The following DPCD variants were observed in gnomAD, a reference collection of about 807,000 sequenced individuals.
DPCD encodes deleted in primary ciliary dyskinesia homolog (mouse), also known as protein DPCD.
Under a neutral mutation model 26.4 loss-of-function variants are expected in DPCD, and 20 were observed. The ratio of observed to expected loss-of-function variants is 0.76; its 90% CI spans 0.53 to 1.10. The LOEUF is 1.10. Among genes scored for constraint, DPCD ranks in the 50% least tolerant of loss-of-function variants. The pLI is 0.00. For synonymous variants in DPCD, 97 were observed against 94.2 expected (o/e 1.03, Z -0.17); for missense variants, 202 against 253.9 (o/e 0.80, Z 1.39).
intron 2 of DPCD, among the ~76,000 whole-genome samples, chr10:101,599,798 C>T (rs2063679044): frequency 6.6e-6 from 1 of 152,180 alleles, no homozygotes; most frequent in Non-Finnish European, 1.5e-5. Flanking sequence ...GTCTTTAGCA[C>T]CAGCTGGGCT....
At chr10:101,594,126 A>T (rs935765762) in intron 1 of DPCD, among the ~76,000 whole-genome samples, 1 of 152,226 alleles carries the variant, frequency 6.6e-6, no homozygotes, top group African/African-American at 2.4e-5. Context: ...GGGCACTGGC[A>T]TGGCTAGAGG....
chr10:101,588,330 G>A lies in DPCD; in HGVS notation c.-7G>A. On this transcript the variant is annotated 5_prime_UTR_variant, in exon 1 of 6. Transcript: ENST00000370151. ...AGCGGCTGGGCGTGCTGCTTAGCAG[G>A]GGAAAGATGGCGGTGACGGGCTGGT... 6.2e-7 allele frequency: 1 copy of A among 1,600,264 alleles called. No homozygotes were observed. Among genetic ancestry groups the A allele is most frequent in the South Asian group, 1.1e-5 (1 of 89,112 alleles).
intron 1 of DPCD, among the ~76,000 whole-genome samples, chr10:101,592,356 A>G (rs1444749556): frequency 6.6e-6 from 1 of 152,092 alleles, no homozygotes; most frequent in Admixed American, 6.6e-5. Context: ...TAGCCACTGC[A>G]CTCCAGCCTA....
At chr10:101,609,050 C>G in intron 5 of DPCD, 113 bp downstream of exon 5, 1 of 919,554 alleles carries the variant, frequency 1.1e-6, no homozygotes, top group South Asian at 1.4e-5. Flanking sequence ...CTAGGGTATG[C>G]TTGTGGGAGA....
chr10:101,591,203 T>C (rs2063604555), intron 1 of DPCD, among the ~76,000 whole-genome samples: 1 of 152,250 alleles, frequency 6.6e-6, no homozygotes, highest in South Asian at 2.1e-4. Flanking sequence ...CACTGCATTC[T>C]GTTTATTTAT....
chr10:101,588,398 A>C lies in DPCD; in HGVS notation c.62A>C (p.Asp21Ala), dbSNP rs3730458. 8.1e-5 allele frequency: 129 copies of C among 1,592,680 alleles called. 1 individual carries two copies. The East Asian group carries it at 1.9e-3, about 24-fold the overall frequency. ...RTAQKTALLQ[D>A]GRRKVHYLFP... ...GCCCAGAAGACTGCGCTGCTGCAGG[A>C]CGGTAACTCGAGGGTCCCCACGGGC... The change falls in exon 1 of 6, where the codon GAC becomes GCC. Residue 21 changes from aspartate (D) to alanine (A), a missense_variant and splice_region_variant. By Grantham distance (126) the Asp-to-Ala change is moderately radical. Coordinates refer to ENST00000370151, the MANE Select transcript of DPCD (RefSeq NM_015448.3).
At chr10:101,598,762 C>CT (rs1322662441) in intron 2 of DPCD, among the ~76,000 whole-genome samples, 1 of 151,938 alleles carries the variant, frequency 6.6e-6, no homozygotes, top group Non-Finnish European at 1.5e-5. Flanking sequence ...GTAGCTGGGA[C>CT]TACAGGCGTG....
At chr10:101,590,926 T>A (rs1014411657) in intron 1 of DPCD, among the ~76,000 whole-genome samples, 11 of 152,198 alleles carry the variant, frequency 7.2e-5, no homozygotes, top group African/African-American at 2.7e-4. Flanking sequence ...CGCTTCAAGG[T>A]TCATCCATGT....
At chr10:101,605,994 A>T (rs2063730720) in intron 4 of DPCD, among the ~76,000 whole-genome samples, 1 of 152,234 alleles carries the variant, frequency 6.6e-6, no homozygotes, top group Non-Finnish European at 1.5e-5. Flanking sequence ...AGAACCTGGC[A>T]CAGAATAAGC....
At chr10:101,606,323 G>A (rs969249314) in intron 4 of DPCD, among the ~76,000 whole-genome samples, 1 of 152,134 alleles carries the variant, frequency 6.6e-6, no homozygotes, top group Non-Finnish European at 1.5e-5. Context: ...ACCACGCCTG[G>A]CTAAGTTTTG....
At chr10:101,597,809 G>A (rs188999573) in intron 2 of DPCD, among the ~76,000 whole-genome samples, 9 of 152,326 alleles carry the variant, frequency 5.9e-5, no homozygotes, top group Admixed American at 3.9e-4. Flanking sequence ...AAAGACGGGG[G>A]CAAGAAAGAC....
rs1436373271 is a variant in DPCD, at chr10:101,599,654, G to A, written c.146-1084G>A. On this transcript the variant is annotated intron_variant, in intron 2 of 5. Transcript: ENST00000370151. ...TCAAAAGGTCTAAAGTAAAACCGCC[G>A]GCTGCCTAGTGCTGAGAACCTGACT... Among the ~76,000 whole-genome samples the A allele has an allele frequency of 3.3e-5, 5 of 152,182 alleles. No individual in the cohort carries two copies. In the East Asian group the frequency reaches 5.8e-4, roughly 18 times the overall value.
chr10:101,608,942 G>T lies in DPCD; in HGVS notation c.507+5G>T. The T allele has an allele frequency of 6.2e-7, 1 of 1,607,540 alleles. No individual in the cohort carries two copies. Among genetic ancestry groups the T allele is most frequent in the Non-Finnish European group, 8.5e-7 (1 of 1,174,710 alleles). ...AACTGCACCCTGATCATCTCTGTAA[G>T]ATTCACCCAGACTTCTTGGACACTG... On this transcript the variant is annotated splice_donor_5th_base_variant and intron_variant, in intron 5 of 5. Coordinates refer to ENST00000370151, the MANE Select transcript of DPCD (RefSeq NM_015448.3).
At chr10:101,602,829 G>C (rs892995056) in intron 4 of DPCD, among the ~76,000 whole-genome samples, 7 of 152,226 alleles carry the variant, frequency 4.6e-5, no homozygotes, top group African/African-American at 1.7e-4. Flanking sequence ...TTGTCCCCCA[G>C]AGGTCACTGT....
Position 101,609,424 on chromosome 10 carries a change from A to G in DPCD, c.565A>G (p.Lys189Glu), listed in dbSNP as rs775699932. 7.4e-6 allele frequency: 12 copies of G among 1,614,132 alleles called. No individual in the cohort carries two copies. The highest frequency in any genetic ancestry group is 1.0e-5 in the Non-Finnish European group (12 of 1,180,008). The change falls in exon 6 of 6, where the codon AAG (lysine) becomes GAG (glutamate). Residue 189 changes from lysine to glutamate, a missense_variant. Around this residue, in one of 3 missense-constraint regions of DPCD, gnomAD observed 118 missense variants for 145.1 expected, o/e 0.81. Transcript: ENST00000370151. ...GTCTGAGCTACAGAAGGAACTAAAG[A>G]AGGTGAAGACAGCCCACAGCAACGA... is the stretch of plus-strand genomic sequence containing the variant. ...AESELQKELK[K>E]VKTAHSNDGD...
In DPCD at chr10:101,609,449, A is replaced by G. The variant is rs2063759595; in HGVS notation, c.590A>G (p.Asp197Gly). 5 of 1,613,994 alleles carry G rather than the reference A, an allele frequency of 3.1e-6. No individual in the cohort carries two copies. The South Asian group carries it at 4.4e-5, about 14-fold the overall frequency. Residue 197 changes from aspartate (D) to glycine (G), a missense_variant, in exon 6 of 6, where the codon GAT (aspartate) becomes GGT (glycine). By Grantham distance (94) the Asp-to-Gly change is moderately conservative. Around this residue, in one of 3 missense-constraint regions of DPCD, gnomAD observed 118 missense variants for 145.1 expected, o/e 0.81. Coordinates refer to ENST00000370151, the MANE Select transcript of DPCD (RefSeq NM_015448.3). Reference protein sequence around the residue: ...LKKVKTAHSNDGDCKTQ With the variant: ...LKKVKTAHSNGGDCKTQ ...AAGGTGAAGACAGCCCACAGCAACG[A>G]TGGGGACTGCAAGACCCAGTAGTTG...
intron 2 of DPCD, among the ~76,000 whole-genome samples, chr10:101,597,937 G>A (rs2063665850): frequency 6.6e-6 from 1 of 152,138 alleles, no homozygotes; most frequent in Non-Finnish European, 1.5e-5. Flanking sequence ...GAATGGGAAA[G>A]GAGACTTTCT....
At chr10:101,594,769 AGTAATACTTGGG>A in intron 2 of DPCD, 31 bp downstream of exon 2, 1 of 1,600,982 alleles carries the variant, frequency 6.2e-7, no homozygotes, top group Non-Finnish European at 8.6e-7. Flanking sequence ...GTGGGCCTTT[AGTAATACTTGGG>A]GCTGACATAA....
At chr10:101,599,258 A>T (rs1044573544) in intron 2 of DPCD, among the ~76,000 whole-genome samples, 2 of 152,158 alleles carry the variant, frequency 1.3e-5, no homozygotes, top group African/African-American at 4.8e-5. Context: ...GTCACTTCTG[A>T]GTTTGCAACT....
Sources: allele counts gnomAD v4.1 joint callset (sites outside exome capture counted in the v4.1 genomes callset), GRCh38; gene constraint gnomAD v4.1.1; regional missense constraint gnomAD v4.1.1; transcripts MANE v1.5; gene names NCBI Gene and HGNC (gene_info 2026-07-23, HGNC 2026-07-21).